ADCY10: variants seen among roughly 807,000 people sequenced by gnomAD.
ADCY10 encodes adenylate cyclase type 10.
A neutral mutation model predicts 183.3 loss-of-function variants in ADCY10; 156 were observed. That is an observed-to-expected ratio of 0.85 (90% confidence interval 0.75 to 0.97). The LOEUF (loss-of-function observed/expected upper bound fraction) is 0.97. Among genes scored for constraint, ADCY10 ranks in the 50% least tolerant of loss-of-function variants. ADCY10 has a pLI of 0.00. For missense variants in ADCY10, 1,745 were observed against 1,934.3 expected (o/e 0.90, Z 1.84); for synonymous variants, 645 against 670.0 (o/e 0.96, Z 0.58).
rs141050361 is a variant in ADCY10 at position 167,827,955 on chromosome 1, C to G, written c.3750+1312G>C. Among the ~76,000 whole-genome samples the G allele has an allele frequency of 7.8e-3, 1,192 of 152,194 alleles. 16 individuals carry two copies. Among genetic ancestry groups the G allele is most frequent in the African/African-American group, 0.028 (1,142 of 41,500 alleles). ...TCTCGAACTCCTGACCTCACGTGAT[C>G]CGCCCACCTCAGCCTCCCAAAGTGC... On this transcript the variant is annotated intron_variant, in intron 26 of 32. Transcript: ENST00000367851.
intron 8 of ADCY10, among the ~76,000 whole-genome samples, chr1:167,889,987 T>G (rs763074346): frequency 1.3e-5 from 2 of 152,236 alleles, no homozygotes; most frequent in African/African-American, 4.8e-5. Context: ...CTTGAATTTC[T>G]TTGAGTTTCC....
chr1:167,855,703 T>TG (rs1194762846), intron 17 of ADCY10, among the ~76,000 whole-genome samples: 1 of 152,166 alleles, frequency 6.6e-6, no homozygotes, highest in Non-Finnish European at 1.5e-5. Flanking sequence ...CCAAGCATTA[T>TG]GAATGGCTCC....
chr1:167,837,440 A>G (rs1664302862), intron 21 of ADCY10, 122 bp from the exon 22 acceptor site: 2 of 805,152 alleles, frequency 2.5e-6, no homozygotes, highest in Middle Eastern at 2.2e-4. Flanking sequence ...CAGAAACCAC[A>G]TTGCCTAGTC....
intron 26 of ADCY10, among the ~76,000 whole-genome samples, chr1:167,825,995 A>T (rs1195785030): frequency 6.6e-6 from 1 of 152,204 alleles, no homozygotes; most frequent in African/African-American, 2.4e-5. Flanking sequence ...AAACAGGAAA[A>T]ATAAAGTATC....
At chr1:167,814,098 T>C (rs1662374425) in intron 31 of ADCY10, among the ~76,000 whole-genome samples, 1 of 151,956 alleles carries the variant, frequency 6.6e-6, no homozygotes, top group Non-Finnish European at 1.5e-5. Flanking sequence ...TGAAAACAAA[T>C]AGCAAAATGA....
rs202048906 is a variant in ADCY10, at chr1:167,856,225, T to C, written c.2111A>G (p.Asp704Gly). The change falls in exon 17 of 33, where the codon GAC becomes GGC. Residue 704 changes from aspartate to glycine, a missense_variant. Physicochemically the swap from Asp to Gly is moderately conservative, Grantham distance 94. Transcript: ENST00000367851. ...GTCAAGACAGATCTTGTTGGAGATG[T>C]CGTTAGGCTGTACTGCACCAATGAC... ...YIVIGAVQPNDISNKICLDLN... is the reference protein window; with the variant it reads ...YIVIGAVQPNGISNKICLDLN... 53 of 1,613,752 alleles carry C rather than the reference T, an allele frequency of 3.3e-5. No homozygotes were observed. The highest frequency in any genetic ancestry group is 4.2e-6 in the Non-Finnish European group (5 of 1,179,850).
chr1:167,904,768 A>C (rs1384115966), intron 2 of ADCY10: 5 of 628,676 alleles, frequency 8.0e-6, no homozygotes, highest in Non-Finnish European at 1.4e-5. Flanking sequence ...GGACTTGAGC[A>C]TGTTAAAGAT....
intron 29 of ADCY10, among the ~76,000 whole-genome samples, chr1:167,822,470 C>T (rs1210040638): frequency 6.6e-6 from 1 of 152,202 alleles, no homozygotes; most frequent in Non-Finnish European, 1.5e-5. Flanking sequence ...ATGGCAATGT[C>T]TGCATCCCCT....
rs1019819746 is a variant in ADCY10, at chr1:167,842,920, C to A, written c.3007+2643G>T. Among the ~76,000 whole-genome samples the A allele has an allele frequency of 3.3e-5, 5 of 152,192 alleles. No homozygotes were observed. The East Asian group carries it at 9.7e-4, about 29-fold the overall frequency. On this transcript the variant is annotated intron_variant, in intron 21 of 32. Coordinates refer to ENST00000367851, the MANE Select transcript of ADCY10 (RefSeq NM_018417.6). Reference sequence around the variant, plus strand: ...AACAGCTAAATTAAAAATGTTTGCCCCTGACTGGAATTACTGAAGGTGTGT... The same window carrying A: ...AACAGCTAAATTAAAAATGTTTGCCACTGACTGGAATTACTGAAGGTGTGT...
chr1:167,849,941 C>T (rs1178956200), intron 18 of ADCY10, among the ~76,000 whole-genome samples: 2 of 152,078 alleles, frequency 1.3e-5, no homozygotes, highest in African/African-American at 2.4e-5. Context: ...TGCTCAGGTG[C>T]TATGTGGGAG....
rs569811838 is a variant in ADCY10 at position 167,896,991 on chromosome 1, A to T, written c.643-300T>A. The stretch of plus-strand genomic sequence containing the variant: ...TTTTTCCTGCTTTTTTTCCTTCATA[A>T]CATTTTAATTCAAATAAAACCTGGT... On this transcript the variant is annotated intron_variant, in intron 6 of 32. Transcript: ENST00000367851. Among the ~76,000 whole-genome samples the T allele has an allele frequency of 5.3e-5, 8 of 152,140 alleles. No homozygotes were observed. In the South Asian group the frequency reaches 1.7e-3, roughly 32 times the overall value.
chr1:167,848,301 G>A (rs1472267908), intron 19 of ADCY10, 60 bp downstream of exon 19: 30 of 1,425,232 alleles, frequency 2.1e-5, no homozygotes, highest in African/African-American at 5.7e-5. Flanking sequence ...CGCCCGCCTC[G>A]GCCTCCCAAA....
At chr1:167,885,758 G>T (rs1055024911) in intron 8 of ADCY10, among the ~76,000 whole-genome samples, 10 of 151,994 alleles carry the variant, frequency 6.6e-5, no homozygotes, top group Admixed American at 4.6e-4. Flanking sequence ...GGGATTACAG[G>T]CGCCCACCAC....
At position 167,860,757 on chromosome 1, in the gene ADCY10, A is replaced by G. The variant is rs985538178; in HGVS notation, c.1809+114T>C. On this transcript the variant is annotated intron_variant, in intron 15 of 32. Transcript: ENST00000367851. ...GAGGATTGGGAGCCATTTACTCACC[A>G]TCTGGATACTGCAGATATACAGACC... is the stretch of plus-strand genomic sequence containing the variant. The G allele has an allele frequency of 1.0e-5, 9 of 857,344 alleles. No individual in the cohort carries two copies. In the African/African-American group the frequency reaches 1.2e-4, roughly 11 times the overall value. The allele number at this position is 857,344 out of a possible 1,614,324, so 53.1% of individuals were successfully genotyped here.
At chr1:167,821,380 T>C (rs4656560) in intron 30 of ADCY10, among the ~76,000 whole-genome samples, 95,695 of 152,174 alleles carry the variant, frequency 0.63, 30,944 homozygotes, top group African/African-American at 0.77. Context: ...TTACTTGCCC[T>C]TTCAATGATA....
At chr1:167,846,388 G>A in intron 19 of ADCY10, 125 bp from the exon 20 acceptor site, 1 of 1,205,238 alleles carries the variant, frequency 8.3e-7, no homozygotes, top group Non-Finnish European at 1.2e-6. Context: ...ACTCAGCCAA[G>A]CTAAGTCAAA....
rs1015945868 is a variant in ADCY10 at position 167,822,126 on chromosome 1, G to A, written c.4184C>T (p.Thr1395Ile). The change falls in exon 30 of 33, where the codon ACA (threonine) becomes ATA (isoleucine). Residue 1395 changes from threonine to isoleucine, a missense_variant. Physicochemically the swap from Thr to Ile is moderately conservative, Grantham distance 89. Coordinates refer to ENST00000367851, the MANE Select transcript of ADCY10 (RefSeq NM_018417.6). ...ILLYSGFVYR[T>I]FEECLEFIHQ... is the part of the protein sequence containing the mutation. ...TATGAATTCCAAACATTCTTCAAAT[G>A]TTCTATAAACAAAACCTAAGAGAGA... The A allele has an allele frequency of 6.3e-7, 1 of 1,595,992 alleles. No homozygotes were observed.
chr1:167,880,997 C>A (rs370507407), intron 9 of ADCY10, among the ~76,000 whole-genome samples: 1 of 152,152 alleles, frequency 6.6e-6, no homozygotes, highest in East Asian at 1.9e-4. Context: ...AGCCACTTCT[C>A]AAGTGTGGAA....
At chr1:167,882,136 A>C (rs1667905105) in intron 9 of ADCY10, among the ~76,000 whole-genome samples, 1 of 152,238 alleles carries the variant, frequency 6.6e-6, no homozygotes, top group African/African-American at 2.4e-5. Context: ...ATCAATTCTC[A>C]CATATGCATC....
Sources: gnomAD v4.1 joint callset for allele counts (sites outside exome capture counted in the v4.1 genomes callset) on GRCh38, gnomAD v4.1.1 for gene constraint, MANE v1.5 for transcripts, NCBI Gene and HGNC (gene_info 2026-07-23, HGNC 2026-07-21) for gene names.